The following GPC5 variants were observed in gnomAD, a reference collection of about 807,000 sequenced individuals.
The protein encoded by GPC5 is glypican-5.
A neutral mutation model predicts 53.9 loss-of-function variants in GPC5; 47 were observed. The observed-to-expected ratio is 0.87, with a 90% CI of 0.69 to 1.11. The LOEUF (loss-of-function observed/expected upper bound fraction) is 1.11, where lower values mean the gene tolerates loss of function less well. GPC5 is among the 50% of genes most tolerant of loss of function. GPC5 has a pLI of 0.00. For missense variants in GPC5, 748 were observed against 713.1 expected, an observed-to-expected ratio of 1.05 and a Z score of -0.56; for synonymous variants, 286 against 263.3, an observed-to-expected ratio of 1.09 and a Z score of -0.84.
At chr13:92,383,618 G>A (rs1440415092) in intron 7 of GPC5, among the ~76,000 whole-genome samples, 1 of 152,100 alleles carries the variant, frequency 6.6e-6, no homozygotes, top group Non-Finnish European at 1.5e-5. Flanking sequence ...GGAAATGCTG[G>A]AACAAACAGT....
intron 2 of GPC5, among the ~76,000 whole-genome samples, chr13:91,551,394 T>A (rs896479022): frequency 1.3e-5 from 2 of 152,134 alleles, no homozygotes; most frequent in Non-Finnish European, 2.9e-5. Flanking sequence ...CTGTTTACTG[T>A]TTTCCCAAGT....
intron 7 of GPC5, among the ~76,000 whole-genome samples, chr13:92,398,204 C>T (rs1875375271): frequency 2.6e-5 from 4 of 151,654 alleles, no homozygotes; most frequent in East Asian, 2.0e-4. Flanking sequence ...CCGAGGCGGG[C>T]GGATCACGAG....
At chr13:91,964,299 G>A (rs939467664) in intron 6 of GPC5, among the ~76,000 whole-genome samples, 7 of 152,186 alleles carry the variant, frequency 4.6e-5, no homozygotes, top group African/African-American at 1.7e-4. Context: ...ACCCCAGCAG[G>A]TTGCTGGTGT....
At chr13:92,319,104 A>G (rs906900594) in intron 7 of GPC5, among the ~76,000 whole-genome samples, 11 of 152,134 alleles carry the variant, frequency 7.2e-5, no homozygotes, top group African/African-American at 2.4e-4. Context: ...GGAAACTGAA[A>G]GAGTGTCTCA....
At chr13:91,801,092 A>G (rs2038127153) in intron 5 of GPC5, among the ~76,000 whole-genome samples, 1 of 152,148 alleles carries the variant, frequency 6.6e-6, no homozygotes, top group Non-Finnish European at 1.5e-5. Flanking sequence ...TTAAATAGAA[A>G]TAATGTGGGA....
chr13:92,143,296 A>G (rs998280643), intron 6 of GPC5, among the ~76,000 whole-genome samples: 11 of 152,060 alleles, frequency 7.2e-5, no homozygotes, highest in African/African-American at 2.2e-4. Flanking sequence ...ACAAATGATA[A>G]CTGGTGTTAC....
intron 7 of GPC5, among the ~76,000 whole-genome samples, chr13:92,380,405 G>A (rs2043729252): frequency 6.6e-6 from 1 of 152,020 alleles, no homozygotes; most frequent in African/African-American, 2.4e-5. Flanking sequence ...CTGGTAGCAG[G>A]GCCAGCTCTG....
At chr13:91,790,093 C>T (rs2037941057) in intron 5 of GPC5, among the ~76,000 whole-genome samples, 1 of 152,204 alleles carries the variant, frequency 6.6e-6, no homozygotes, top group African/African-American at 2.4e-5. Flanking sequence ...AGGGCCAAGT[C>T]TCAATGTGAG....
intron 7 of GPC5, among the ~76,000 whole-genome samples, chr13:92,168,061 A>G (rs748171548): frequency 1.3e-5 from 2 of 152,124 alleles, no homozygotes; most frequent in African/African-American, 2.4e-5. Flanking sequence ...TTGCATCTCA[A>G]CGTTGACTAT....
intron 7 of GPC5, among the ~76,000 whole-genome samples, chr13:92,620,381 C>T (rs1884831973): frequency 6.6e-6 from 1 of 151,986 alleles, no homozygotes; most frequent in Non-Finnish European, 1.5e-5. Context: ...ATGCAGCTGG[C>T]CTAAAAAGAA....
At chr13:92,158,960 T>C (rs545172103) in intron 7 of GPC5, among the ~76,000 whole-genome samples, 2 of 152,300 alleles carry the variant, frequency 1.3e-5, no homozygotes, top group East Asian at 3.9e-4. Flanking sequence ...CAAACTAAAC[T>C]CTTTCATTTT....
intron 2 of GPC5, among the ~76,000 whole-genome samples, chr13:91,607,057 A>G (rs966103071): frequency 2.6e-5 from 4 of 151,920 alleles, no homozygotes; most frequent in Admixed American, 1.3e-4. Flanking sequence ...TAGGGTGTCA[A>G]TTTTGGATCT....
intron 7 of GPC5, among the ~76,000 whole-genome samples, chr13:92,855,629 A>G (rs1411922706): frequency 1.3e-5 from 2 of 148,258 alleles, no homozygotes; most frequent in Non-Finnish European, 3.0e-5. Flanking sequence ...TTGAAAAAAA[A>G]AAAGTGAAGA....
chr13:92,709,853 G>T (rs966959808), intron 7 of GPC5, among the ~76,000 whole-genome samples: 2 of 152,228 alleles, frequency 1.3e-5, no homozygotes, highest in Non-Finnish European at 2.9e-5. Flanking sequence ...TCAAGTGCAG[G>T]AAGAATAAGC....
intron 6 of GPC5, among the ~76,000 whole-genome samples, chr13:91,918,829 A>C (rs2039683905): frequency 6.6e-6 from 1 of 151,744 alleles, no homozygotes. Flanking sequence ...TATTTCCTTT[A>C]AATGCTATGT....
intron 4 of GPC5, among the ~76,000 whole-genome samples, chr13:91,738,421 C>T (rs1450214147): frequency 6.6e-6 from 1 of 151,208 alleles, no homozygotes; most frequent in East Asian, 1.9e-4. Flanking sequence ...TAACTAGCTA[C>T]CTTTTTTTGG....
chr13:92,138,819 A>G (rs1301251763), intron 6 of GPC5, among the ~76,000 whole-genome samples: 9 of 152,128 alleles, frequency 5.9e-5, no homozygotes, highest in Non-Finnish European at 1.3e-4. Flanking sequence ...ATTGGAGGAG[A>G]GGAATATAAA....
At position 92,759,110 on chromosome 13, in the gene GPC5, G is replaced by C. The variant is rs1875050190; in HGVS notation, c.1562-107172G>C. Among the ~76,000 whole-genome samples the C allele has an allele frequency of 2.9e-5, 4 of 137,798 alleles. No homozygotes were observed. The South Asian group carries it at 9.6e-4, about 33-fold the overall frequency. The allele number at this position is 137,798 out of a possible 152,430, so 90.4% of individuals were successfully genotyped here. A position where few individuals can be genotyped will look rare whatever the true frequency, so the allele number is the denominator to read the frequency against. The stretch of plus-strand genomic sequence containing the variant: ...ATCCCACTGGTCCACTGGTCTGTTT[G>C]TCTGTTTTTATGCCAGTACCATACT... On this transcript the variant is annotated intron_variant, in intron 7 of 7. Transcript: ENST00000377067.
At chr13:91,725,275 A>G (rs1022441710) in intron 3 of GPC5, 4 of 152,222 alleles carry the variant, frequency 2.6e-5, no homozygotes, top group African/African-American at 9.6e-5. Flanking sequence ...TTTCAGACTG[A>G]TTGCAGGGGA....
Sources: gnomAD v4.1 joint callset for allele counts (sites outside exome capture counted in the v4.1 genomes callset) on GRCh38, gnomAD v4.1.1 for gene constraint, MANE v1.5 for transcripts, NCBI Gene and HGNC (gene_info 2026-07-23, HGNC 2026-07-21) for gene names.